FYN: variants seen among roughly 807,000 people sequenced by gnomAD.
FYN encodes tyrosine-protein kinase Fyn.
FYN carries 10 observed loss-of-function variants against 70.2 expected under a neutral mutation model. The observed-to-expected ratio is 0.14, with a 90% CI of 0.09 to 0.24. The LOEUF (loss-of-function observed/expected upper bound fraction) is 0.24, where lower values mean the gene tolerates loss of function less well. Ranked by LOEUF, FYN falls within the 10% of genes least tolerant of loss-of-function variation. The probability of loss-of-function intolerance (pLI) is 1.00; values close to 1 mark genes in which losing one functional copy is unlikely to be tolerated. For missense variants in FYN, 319 were observed against 673.1 expected, an observed-to-expected ratio of 0.47 and a Z score of 5.82; for synonymous variants, 236 against 248.6, an observed-to-expected ratio of 0.95 and a Z score of 0.48.
intron 1 of FYN, among the ~76,000 whole-genome samples, chr6:111,871,656 A>G (rs1352915314): frequency 6.6e-6 from 1 of 152,206 alleles, no homozygotes; most frequent in Non-Finnish European, 1.5e-5. Flanking sequence ...TCAAATAACA[A>G]TTTAATTCTG....
At chr6:111,818,781 G>A (rs1772568181) in intron 2 of FYN, 1 of 152,236 alleles carries the variant, frequency 6.6e-6, no homozygotes, top group African/African-American at 2.4e-5. Context: ...ATGCTGTCAT[G>A]CTGCTGCTTC....
Position 111,694,829 on chromosome 6 carries a change from G to A in FYN, c.1043-125C>T, listed in dbSNP as rs1243625538. ...ATGGAATAATGCCATCCACATGGGG[G>A]GACAAAAAGGTTTATATAAAAAAGC... is the stretch of plus-strand genomic sequence containing the variant. On this transcript the variant is annotated intron_variant, in intron 10 of 13. Transcript: ENST00000354650. The surrounding 1 kb of genome is among the most constrained non-coding windows in gnomAD (Gnocchi z 5.0). 3 of 745,426 alleles carry A rather than the reference G, an allele frequency of 4.0e-6. No homozygotes were observed. Among genetic ancestry groups the A allele is most frequent in the Non-Finnish European group, 6.4e-6 (3 of 467,736 alleles). The allele number at this position is 745,426 out of a possible 1,614,324, so 46.2% of individuals were successfully genotyped here. A position where few individuals can be genotyped will look rare whatever the true frequency, so the allele number is the denominator to read the frequency against.
At chr6:111,701,392 TGGGC>T (rs1394557404) in intron 8 of FYN, among the ~76,000 whole-genome samples, 3 of 152,228 alleles carry the variant, frequency 2.0e-5, no homozygotes, top group African/African-American at 7.2e-5. Context: ...GATGTGCTGC[TGGGC>T]TGTAACTTGC....
intron 2 of FYN, among the ~76,000 whole-genome samples, chr6:111,789,987 A>AGG (rs1771550521): frequency 6.6e-6 from 1 of 152,094 alleles, no homozygotes; most frequent in Non-Finnish European, 1.5e-5. Context: ...GAGCCCCTTG[A>AGG]GTTTAGGTTG....
In FYN at chr6:111,694,739, T is replaced by C. The variant is rs1799501430; in HGVS notation, c.1043-35A>G. 1 of 1,558,128 alleles carries C rather than the reference T, an allele frequency of 6.4e-7. No homozygotes were observed. The highest frequency in any genetic ancestry group is 1.1e-5 in the South Asian group (1 of 87,442). On this transcript the variant is annotated intron_variant, in intron 10 of 13. Transcript: ENST00000354650. This position sits in a 1 kb window ranked among gnomAD's most constrained non-coding sequence, Gnocchi z 5.0. ...AAACATAAAATCATTTCAATTTACT[T>C]TGAAAGATAATTCCCAACAGAGAGC...
At chr6:111,687,296 C>T (rs1376822771) in intron 12 of FYN, among the ~76,000 whole-genome samples, 4 of 152,184 alleles carry the variant, frequency 2.6e-5, no homozygotes, top group African/African-American at 7.2e-5. Context: ...ACCCTCAATA[C>T]TGGGAGCATT....
intron 2 of FYN, among the ~76,000 whole-genome samples, chr6:111,807,307 A>T (rs570839260): frequency 1.7e-4 from 26 of 152,326 alleles, no homozygotes; most frequent in African/African-American, 5.5e-4. Flanking sequence ...TTACTCCTGG[A>T]TAATGGAAAA....
chr6:111,839,080 C>A (rs549487141), intron 2 of FYN, among the ~76,000 whole-genome samples: 1 of 152,334 alleles, frequency 6.6e-6, no homozygotes, highest in East Asian at 1.9e-4. Context: ...GAAGTCCCTG[C>A]ACATCTGCAT....
chr6:111,814,885 G>GTA (rs1457671296), intron 2 of FYN, among the ~76,000 whole-genome samples: 1 of 152,202 alleles, frequency 6.6e-6, no homozygotes, highest in Non-Finnish European at 1.5e-5. Flanking sequence ...CAGCGAACAG[G>GTA]TATGTTCTCA....
In FYN at chr6:111,682,567, T is replaced by G. The variant is rs534351257; in HGVS notation, c.1274-7937A>C. On this transcript the variant is annotated intron_variant, in intron 12 of 13. Transcript: ENST00000354650. ...GACTGCAGATACTTTTGCTGCCAAA[T>G]CACCTCCTGCAGTAAGAGTACATAA... 1.1e-3 allele frequency among the ~76,000 whole-genome samples: 162 copies of G among 152,364 alleles called. 1 individual carries two copies. The highest frequency in any genetic ancestry group is 1.9e-3 in the Non-Finnish European group (126 of 68,038).
intron 12 of FYN, among the ~76,000 whole-genome samples, chr6:111,689,918 G>C (rs1026454048): frequency 1.4e-4 from 22 of 152,154 alleles, no homozygotes; most frequent in African/African-American, 5.1e-4. Context: ...TACTGTATGT[G>C]TGTTATAGCT....
intron 2 of FYN, among the ~76,000 whole-genome samples, chr6:111,786,183 A>T (rs1297310696): frequency 6.6e-6 from 1 of 151,990 alleles, no homozygotes; most frequent in Non-Finnish European, 1.5e-5. Context: ...TACATTAGGT[A>T]TATCTCCCAA....
At chr6:111,771,816 C>T (rs1221313038) in intron 3 of FYN, among the ~76,000 whole-genome samples, 1 of 152,168 alleles carries the variant, frequency 6.6e-6, no homozygotes, top group African/African-American at 2.4e-5. Context: ...AGTACCTGCC[C>T]TTTAGAGGTG....
Position 111,753,081 on chromosome 6 carries a change from AGTCTTACAGAAAAAACTG to A in FYN, c.-12+27467_-12+27484del, listed in dbSNP as rs1802558585. ...ATATATTGAAATCTCAATATCAATTAGTCTTACAGAAAAAACTGGTCTTGCAGAAGAAGTGTCAAGGCA... is the reference window on the plus strand; with the variant it reads ...ATATATTGAAATCTCAATATCAATTAGTCTTGCAGAAGAAGTGTCAAGGCA... On this transcript the variant is annotated intron_variant, in intron 3 of 13. Transcript: ENST00000354650. 2.0e-5 allele frequency among the ~76,000 whole-genome samples: 3 copies of A among 152,246 alleles called. No homozygotes were observed. The South Asian group carries it at 6.2e-4, about 31-fold the overall frequency.
chr6:111,803,248 G>A (rs778821311), intron 2 of FYN, among the ~76,000 whole-genome samples: 6 of 152,220 alleles, frequency 3.9e-5, no homozygotes, highest in Non-Finnish European at 5.9e-5. Flanking sequence ...TGCCCTTCAG[G>A]GGCACTCCTC....
intron 2 of FYN, among the ~76,000 whole-genome samples, chr6:111,805,696 C>G (rs559067036): frequency 1.3e-5 from 2 of 152,290 alleles, no homozygotes; most frequent in South Asian, 4.1e-4. Flanking sequence ...GCCCCCTCCC[C>G]CTTCCCTTGG....
At chr6:111,825,296 C>A (rs771086429) in intron 2 of FYN, among the ~76,000 whole-genome samples, 1 of 152,170 alleles carries the variant, frequency 6.6e-6, no homozygotes, top group African/African-American at 2.4e-5. Flanking sequence ...CACCAGACAG[C>A]GAGTTTTATT....
At chr6:111,806,190 G>A (rs746433257) in intron 2 of FYN, among the ~76,000 whole-genome samples, 10 of 152,262 alleles carry the variant, frequency 6.6e-5, no homozygotes, top group Admixed American at 3.3e-4. Context: ...GCTTGTGTTC[G>A]GAGATGAAAT....
Position 111,694,535 on chromosome 6 carries a change from A to G in FYN, c.1120-7T>C. On this transcript the variant is annotated splice_region_variant and splice_polypyrimidine_tract_variant and intron_variant, in intron 11 of 13. Coordinates refer to ENST00000354650, the MANE Select transcript of FYN (RefSeq NM_002037.5). The surrounding 1 kb of genome is among the most constrained non-coding windows in gnomAD (Gnocchi z 5.0). ...AAGCCATTCCTGCAGCCACCTGTGGAAACCCAGGGAACAGGACATGTTACA... is the reference window on the plus strand; with the variant it reads ...AAGCCATTCCTGCAGCCACCTGTGGGAACCCAGGGAACAGGACATGTTACA... 1 of 1,614,190 alleles carries G rather than the reference A, an allele frequency of 6.2e-7. No homozygotes were observed. The highest frequency in any genetic ancestry group is 8.5e-7 in the Non-Finnish European group (1 of 1,180,014).
Sources: allele counts gnomAD v4.1 joint callset (sites outside exome capture counted in the v4.1 genomes callset), GRCh38; gene constraint gnomAD v4.1.1; non-coding constraint Gnocchi (gnomAD v3.1); transcripts MANE v1.5; gene names NCBI Gene and HGNC (gene_info 2026-07-23, HGNC 2026-07-21).